Variants in RHOT1 observed in about 807,000 individuals in gnomAD.
RHOT1 encodes ras homolog family member T1.
RHOT1 carries 27 observed loss-of-function variants against 95.3 expected under a neutral mutation model. The ratio of observed to expected loss-of-function variants is 0.28; its 90% CI spans 0.21 to 0.39. The LOEUF is 0.39. RHOT1 is among the 10% of genes least tolerant of loss of function. The probability of loss-of-function intolerance (pLI) is 1.00; values close to 1 mark genes in which losing one functional copy is unlikely to be tolerated. For missense variants in RHOT1, 578 were observed against 786.7 expected (o/e 0.73, Z 3.17); for synonymous variants, 227 against 263.5 (o/e 0.86, Z 1.34).
intron 1 of RHOT1, among the ~76,000 whole-genome samples, chr17:32,167,451 C>T (rs145127288): frequency 0.01 from 1,527 of 152,170 alleles, 30 homozygotes; most frequent in African/African-American, 0.035. Flanking sequence ...CTCAGCCTCC[C>T]GAGTAGCTGG....
chr17:32,200,571 C>A (rs1453084098), intron 13 of RHOT1, among the ~76,000 whole-genome samples: 1 of 151,764 alleles, frequency 6.6e-6, no homozygotes, highest in Non-Finnish European at 1.5e-5. Flanking sequence ...CCAGCCTAAG[C>A]AACATGGCGA....
chr17:32,184,779 C>T lies in RHOT1; in HGVS notation c.540+1507C>T, dbSNP rs563599850. Reference sequence around the variant, plus strand: ...TCTGCCTCCAAGAGTGCTGGGATTACAGGTGTGAGCCACCGCACCTGGCTG... The same window carrying T: ...TCTGCCTCCAAGAGTGCTGGGATTATAGGTGTGAGCCACCGCACCTGGCTG... On this transcript the variant is annotated intron_variant, in intron 8 of 19. Coordinates refer to ENST00000545287, the MANE Select transcript of RHOT1 (RefSeq NM_001033566.3). 2.0e-5 allele frequency among the ~76,000 whole-genome samples: 3 copies of T among 152,252 alleles called. No individual in the cohort carries two copies. In the East Asian group the frequency reaches 5.8e-4, roughly 29 times the overall value.
chr17:32,154,029 G>A (rs559065590), intron 1 of RHOT1, among the ~76,000 whole-genome samples: 24 of 151,882 alleles, frequency 1.6e-4, no homozygotes, highest in Middle Eastern at 3.2e-3. Flanking sequence ...GGGGACAGGC[G>A]TGGTGGCTCA....
intron 19 of RHOT1, among the ~76,000 whole-genome samples, chr17:32,215,741 A>T (rs1159652593): frequency 6.6e-6 from 1 of 152,198 alleles, no homozygotes; most frequent in Non-Finnish European, 1.5e-5. Flanking sequence ...TGAATTAAAA[A>T]TTTTTATTTC....
chr17:32,148,411 C>T (rs1025328848), intron 1 of RHOT1, among the ~76,000 whole-genome samples: 5 of 152,258 alleles, frequency 3.3e-5, no homozygotes, highest in Admixed American at 1.3e-4. Context: ...CTATTCTGTT[C>T]GTACAGAGTC....
At chr17:32,207,330 G>GA in intron 17 of RHOT1, 29 of 244,772 alleles carry the variant, frequency 1.2e-4, no homozygotes, top group East Asian at 4.2e-4. Context: ...TCTCTCTGAT[G>GA]AAAAAAAAGA....
intron 1 of RHOT1, chr17:32,151,372 A>T: frequency 1.6e-6 from 1 of 610,988 alleles, no homozygotes; most frequent in African/African-American, 1.8e-5. Context: ...AGACTGCACC[A>T]CTGCACTCCA....
rs547312581 is a variant in RHOT1, at chr17:32,155,149, C to T, written c.37+12420C>T. ...AGGGACTGTCTTTCTGTGTTGTTAG[C>T]ATTAAATGCATTCTCTTTTTTTTTG... On this transcript the variant is annotated intron_variant, in intron 1 of 19. Transcript: ENST00000545287. Among the ~76,000 whole-genome samples, 3 of 152,184 alleles carry T rather than the reference C, an allele frequency of 2.0e-5. No individual in the cohort carries two copies. In the South Asian group the frequency reaches 6.2e-4, roughly 32 times the overall value.
intron 18 of RHOT1, chr17:32,208,742 G>C: frequency 6.2e-6 from 1 of 161,268 alleles, no homozygotes; most frequent in Non-Finnish European, 1.4e-5. Context: ...TGAAATTGTG[G>C]GTATGCTTCA....
rs61020427 is a variant in RHOT1 at position 32,220,939 on chromosome 17, ATAAAG to A, written c.1863-3672_1863-3668del. The A allele has an allele frequency of 4.9e-3, 1,990 of 408,080 alleles. 38 individuals are homozygous for A. Among genetic ancestry groups the A allele is most frequent in the African/African-American group, 0.039 (1,827 of 46,370 alleles). 25.3% of individuals were successfully genotyped at this position (408,080 alleles called of 1,614,324 possible). A position where few individuals can be genotyped will look rare whatever the true frequency, so the allele number is the denominator to read the frequency against. On this transcript the variant is annotated intron_variant, in intron 19 of 19. Coordinates refer to ENST00000545287, the MANE Select transcript of RHOT1 (RefSeq NM_001033566.3). ...TATATTAGCTTTTTTATATTTGAAA[ATAAAG>A]TAAACTTTAGAAAGAAAAACTATGC... is the stretch of plus-strand genomic sequence containing the variant.
chr17:32,144,986 G>T (rs540235376), intron 1 of RHOT1, among the ~76,000 whole-genome samples: 49 of 150,078 alleles, frequency 3.3e-4, no homozygotes, highest in African/African-American at 1.1e-3. Flanking sequence ...GAGCAAGACT[G>T]TCTCTTAAAG....
intron 1 of RHOT1, among the ~76,000 whole-genome samples, chr17:32,149,635 A>ATATATATATGTG (rs1445281403): frequency 4.7e-4 from 28 of 59,060 alleles, no homozygotes; most frequent in Non-Finnish European, 6.8e-4. Context: ...ATATATATAT[A>ATATATATATGTG]TGTGTGTGTG....
At chr17:32,217,154 A>G (rs2038526069) in intron 19 of RHOT1, among the ~76,000 whole-genome samples, 1 of 152,320 alleles carries the variant, frequency 6.6e-6, no homozygotes, top group African/African-American at 2.4e-5. Context: ...ATTCATGATC[A>G]TCTGTAAATT....
chr17:32,173,362 A>G lies in RHOT1; in HGVS notation c.97-469A>G, dbSNP rs915777793. 3.3e-5 allele frequency among the ~76,000 whole-genome samples: 5 copies of G among 152,178 alleles called. No homozygotes were observed. In the East Asian group the frequency reaches 9.6e-4, roughly 29 times the overall value. ...TAATCTGAAAATCAGAAATGCTCCA[A>G]TGAACATTTCCTTTGAGTATCATGT... On this transcript the variant is annotated intron_variant, in intron 2 of 19. Transcript: ENST00000545287.
At chr17:32,177,435 C>T (rs756979261) in intron 6 of RHOT1, among the ~76,000 whole-genome samples, 7 of 152,044 alleles carry the variant, frequency 4.6e-5, no homozygotes, top group African/African-American at 7.2e-5. Context: ...CTTTTGCTTG[C>T]GCCATTTCTA....
chr17:32,152,815 T>C (rs1047533859), intron 1 of RHOT1, among the ~76,000 whole-genome samples: 3 of 151,912 alleles, frequency 2.0e-5, no homozygotes, highest in African/African-American at 7.2e-5. Flanking sequence ...TTTTTTTTTT[T>C]CTTTTTGAGA....
At chr17:32,162,674 C>T (rs977996110) in intron 1 of RHOT1, among the ~76,000 whole-genome samples, 4 of 152,120 alleles carry the variant, frequency 2.6e-5, no homozygotes, top group Admixed American at 6.5e-5. Flanking sequence ...GCCCTTTTCC[C>T]ATTCATGTAA....
At chr17:32,153,889 AAATT>A (rs527821543) in intron 1 of RHOT1, among the ~76,000 whole-genome samples, 306 of 152,320 alleles carry the variant, frequency 2.0e-3, no homozygotes, top group Non-Finnish European at 3.3e-3. Context: ...CTGCTAAAAT[AAATT>A]ACATAAAGTA....
intron 1 of RHOT1, chr17:32,151,281 A>G (rs773539543): frequency 1.1e-4 from 76 of 672,780 alleles, no homozygotes; most frequent in Non-Finnish European, 1.9e-4. Context: ...TGCCTTCTCC[A>G]TATTGCTGTA....
Sources: gnomAD v4.1 joint callset for allele counts (sites outside exome capture counted in the v4.1 genomes callset) on GRCh38, gnomAD v4.1.1 for gene constraint, MANE v1.5 for transcripts, NCBI Gene and HGNC (gene_info 2026-07-23, HGNC 2026-07-21) for gene names.